The following NBAS variants were observed in gnomAD, a reference collection of about 807,000 sequenced individuals.
NBAS encodes NAG/BC035112 fusion.
NBAS carries 219 observed loss-of-function variants against 302.5 expected under a neutral mutation model. The observed-to-expected ratio is 0.72, with a 90% confidence interval of 0.65 to 0.81. NBAS has a LOEUF of 0.81. Among genes scored for constraint, NBAS ranks in the 30% least tolerant of loss-of-function variants. The pLI, the probability that NBAS is intolerant of heterozygous loss-of-function variation, is 0.00. For missense variants in NBAS, 2,932 were observed against 2,841.6 expected, an observed-to-expected ratio of 1.03 and a Z score of -0.72; for synonymous variants, 1,118 against 1,021.6, an observed-to-expected ratio of 1.09 and a Z score of -1.80.
chr2:15,478,286 C>T lies in NBAS; in HGVS notation c.1087G>A (p.Gly363Ser). ...CAATCAGGATTAAGGTCATCATAGC[C>T]TGGCTAAATATGAAAATAATGACTT... ...QGEWGQNEQP[G>S]YDDLNPDWRL... The change falls in exon 13 of 52, where the codon GGC becomes AGC. Residue 363 changes from glycine to serine, a missense_variant. Coordinates refer to ENST00000281513, the MANE Select transcript of NBAS (RefSeq NM_015909.4). The T allele has an allele frequency of 6.2e-7, 1 of 1,609,986 alleles. No homozygotes were observed. The highest frequency in any genetic ancestry group is 8.5e-7 in the Non-Finnish European group (1 of 1,176,564).
At chr2:15,081,122 G>T in the NBAS span, among the ~76,000 whole-genome samples, 1 of 152,028 alleles carries the variant, frequency 6.6e-6, no homozygotes, top group South Asian at 2.1e-4. Flanking sequence ...AGTTACCTCT[G>T]GCTCAAGCAA....
the NBAS span, among the ~76,000 whole-genome samples, chr2:14,816,248 G>A: frequency 6.6e-6 from 1 of 152,224 alleles, no homozygotes; most frequent in Non-Finnish European, 1.5e-5. Flanking sequence ...AGCAGTGTGA[G>A]TGAGCATTCT....
At chr2:15,001,134 T>G in the NBAS span, among the ~76,000 whole-genome samples, 1 of 152,184 alleles carries the variant, frequency 6.6e-6, no homozygotes, top group South Asian at 2.1e-4. Flanking sequence ...CAGAGAAATT[T>G]AATGCCCTTA....
intron 50 of NBAS, among the ~76,000 whole-genome samples, chr2:15,185,023 T>C (rs913696645): frequency 2.6e-5 from 4 of 152,250 alleles, no homozygotes; most frequent in Admixed American, 1.3e-4. Flanking sequence ...GTAACATTTA[T>C]ACAATTGTAT....
At position 15,330,641 on chromosome 2, in the gene NBAS, C is replaced by T. The variant is rs1672287614; in HGVS notation, c.4304G>A (p.Gly1435Glu). Residue 1435 changes from glycine (G) to glutamate (E), a missense_variant, in exon 36 of 52, where the codon GGG becomes GAG. Coordinates refer to ENST00000281513, the MANE Select transcript of NBAS (RefSeq NM_015909.4). Reference protein sequence around the residue: ...TKAVLQAVSDGQWWKKSLTYL... With the variant: ...TKAVLQAVSDEQWWKKSLTYL... Reference sequence around the variant, plus strand: ...AGTTAAAGACTTCTTCCACCACTGCCCATCACTGACGGCCTGCAGCACCGC... The same window carrying T: ...AGTTAAAGACTTCTTCCACCACTGCTCATCACTGACGGCCTGCAGCACCGC... The T allele has an allele frequency of 1.9e-6, 3 of 1,613,984 alleles. No individual in the cohort carries two copies. The highest frequency in any genetic ancestry group is 1.7e-6 in the Non-Finnish European group (2 of 1,179,934).
the NBAS span, among the ~76,000 whole-genome samples, chr2:15,156,167 G>A: frequency 6.6e-6 from 1 of 152,078 alleles, no homozygotes; most frequent in Non-Finnish European, 1.5e-5. Context: ...GTTCTCCATG[G>A]GAGGGCAATG....
At chr2:15,521,743 C>T (rs139835887) in intron 9 of NBAS, among the ~76,000 whole-genome samples, 2,462 of 152,264 alleles carry the variant, frequency 0.016, 37 homozygotes, top group South Asian at 0.046. Context: ...CAGAAATTTA[C>T]ACATGCCTAG....
At chr2:14,891,783 G>A in the NBAS span, among the ~76,000 whole-genome samples, 1 of 152,162 alleles carries the variant, frequency 6.6e-6, no homozygotes, top group South Asian at 2.1e-4. Context: ...GAAGGCCTGG[G>A]ACACTACAGC....
At chr2:15,210,394 A>G (rs572461840) in intron 48 of NBAS, among the ~76,000 whole-genome samples, 40 of 152,314 alleles carry the variant, frequency 2.6e-4, no homozygotes, top group Admixed American at 4.6e-4. Context: ...TGATTATCAG[A>G]GAAATGCAAA....
intron 6 of NBAS, among the ~76,000 whole-genome samples, chr2:15,548,957 GAA>G (rs1315189257): frequency 6.6e-6 from 1 of 152,098 alleles, no homozygotes; most frequent in Non-Finnish European, 1.5e-5. Context: ...GGCTGATTGC[GAA>G]AAGTCTTTTA....
chr2:15,367,749 A>G (rs73197100), intron 31 of NBAS, among the ~76,000 whole-genome samples: 2 of 152,182 alleles, frequency 1.3e-5, no homozygotes, highest in Non-Finnish European at 2.9e-5. Context: ...GAGATAAAGA[A>G]GAGAGGTGGT....
chr2:15,444,683 A>G (rs1254336183), intron 21 of NBAS, among the ~76,000 whole-genome samples: 2 of 151,700 alleles, frequency 1.3e-5, no homozygotes, highest in Non-Finnish European at 3.0e-5. Flanking sequence ...GAGCTTCTGC[A>G]CAGCAAAAGA....
chr2:15,500,502 T>TCACACACACA (rs72095633), intron 11 of NBAS, among the ~76,000 whole-genome samples: 200 of 136,232 alleles, frequency 1.5e-3, no homozygotes, highest in African/African-American at 5.2e-3. Context: ...TTTAGAAGTC[T>TCACACACACA]CACACACACA....
At chr2:15,241,388 G>A (rs918963211) in intron 44 of NBAS, among the ~76,000 whole-genome samples, 1 of 152,110 alleles carries the variant, frequency 6.6e-6, no homozygotes, top group Non-Finnish European at 1.5e-5. Context: ...ATGAAACAAT[G>A]GGTCCCTATT....
At chr2:15,283,081 T>C (rs1669894114) in intron 42 of NBAS, among the ~76,000 whole-genome samples, 1 of 151,960 alleles carries the variant, frequency 6.6e-6, no homozygotes, top group African/African-American at 2.4e-5. Context: ...GAATATAAGC[T>C]CCATTAGGGC....
intron 16 of NBAS, 59 bp downstream of exon 16, chr2:15,473,163 A>G: frequency 1.3e-6 from 2 of 1,581,542 alleles, no homozygotes; most frequent in Non-Finnish European, 8.7e-7. Flanking sequence ...GAAGCCCTAT[A>G]AACAAAAGAT....
the NBAS span, among the ~76,000 whole-genome samples, chr2:14,800,843 T>C: frequency 1.3e-5 from 2 of 150,920 alleles, no homozygotes; most frequent in Non-Finnish European, 2.9e-5. Flanking sequence ...TCCAGTGCTC[T>C]TCCTTCTTTT....
chr2:14,932,123 G>T, the NBAS span, among the ~76,000 whole-genome samples: 1 of 152,148 alleles, frequency 6.6e-6, no homozygotes, highest in Admixed American at 6.5e-5. Context: ...ACCACCCCAG[G>T]TAGACCACTA....
chr2:14,836,158 T>C, the NBAS span, among the ~76,000 whole-genome samples: 7 of 152,006 alleles, frequency 4.6e-5, no homozygotes, highest in Admixed American at 3.3e-4. Context: ...CTTTATCTTA[T>C]TGATTTACAA....
Sources: allele counts gnomAD v4.1 joint callset (sites outside exome capture counted in the v4.1 genomes callset), GRCh38; gene constraint gnomAD v4.1.1; transcripts MANE v1.5; gene names NCBI Gene and HGNC (gene_info 2026-07-23, HGNC 2026-07-21).